The following GRIK2 variants were observed in gnomAD, a reference collection of about 807,000 sequenced individuals.
GRIK2 encodes the protein glutamate ionotropic receptor kainate type subunit 2.
Under a neutral mutation model 100.3 loss-of-function variants are expected in GRIK2, and 32 were observed. The ratio of observed to expected loss-of-function variants is 0.32; its 90% CI spans 0.24 to 0.43. The LOEUF (loss-of-function observed/expected upper bound fraction) is 0.43. GRIK2 is among the 20% of genes least tolerant of loss of function. GRIK2 has a pLI of 1.00. For synonymous variants in GRIK2, 417 were observed against 389.4 expected, an observed-to-expected ratio of 1.07 and a Z score of -0.83; for missense variants, 843 against 1,114.9, an observed-to-expected ratio of 0.76 and a Z score of 3.47.
intron 10 of GRIK2, among the ~76,000 whole-genome samples, chr6:101,856,305 A>G (rs965726661): frequency 6.6e-6 from 1 of 152,196 alleles, no homozygotes; most frequent in African/African-American, 2.4e-5. Context: ...AAAGCAGAGA[A>G]AACTGAAAAC....
intron 2 of GRIK2, among the ~76,000 whole-genome samples, chr6:101,539,653 G>C (rs1775890497): frequency 6.6e-6 from 1 of 151,436 alleles, no homozygotes; most frequent in South Asian, 2.1e-4. Context: ...TATTTTCTTT[G>C]CTAACATGAC....
Position 102,030,401 on chromosome 6 carries a change from TTTTTA to T in GRIK2, c.2086-4930_2086-4926del, listed in dbSNP as rs1390344315. 7.3e-5 allele frequency among the ~76,000 whole-genome samples: 11 copies of T among 151,280 alleles called. No homozygotes were observed. In the South Asian group the frequency reaches 1.5e-3, roughly 20 times the overall value. On this transcript the variant is annotated intron_variant, in intron 14 of 16. Transcript: ENST00000369134. ...GATCTGCTCATCTTCAGGGTTGTAC[TTTTTA>T]TTTTATTTTTTTTTTCTTTTTGGCA...
At chr6:101,600,566 T>C (rs972529416) in intron 2 of GRIK2, among the ~76,000 whole-genome samples, 11 of 151,954 alleles carry the variant, frequency 7.2e-5, no homozygotes, top group African/African-American at 2.7e-4. Context: ...TTGTGTCACC[T>C]GTGGTTTCTT....
At chr6:101,953,822 C>T (rs1422240420) in intron 14 of GRIK2, among the ~76,000 whole-genome samples, 3 of 152,028 alleles carry the variant, frequency 2.0e-5, no homozygotes, top group African/African-American at 7.2e-5. Context: ...TCAAAGGAGA[C>T]TTTTCCCAAC....
At chr6:101,770,537 A>T (rs1029569858) in intron 7 of GRIK2, among the ~76,000 whole-genome samples, 7 of 152,218 alleles carry the variant, frequency 4.6e-5, no homozygotes, top group African/African-American at 1.4e-4. Flanking sequence ...GGTTTCATCA[A>T]GTATAAAACT....
chr6:101,453,416 G>T (rs1196658151), intron 2 of GRIK2, among the ~76,000 whole-genome samples: 1 of 151,888 alleles, frequency 6.6e-6, no homozygotes. Flanking sequence ...GTTGCTGCCA[G>T]CATATCCTGA....
At chr6:101,944,730 A>G (rs372270256) in intron 14 of GRIK2, among the ~76,000 whole-genome samples, 4 of 152,260 alleles carry the variant, frequency 2.6e-5, no homozygotes, top group East Asian at 3.9e-4. Flanking sequence ...ATTCATTATA[A>G]TAGGAAATTA....
chr6:101,767,144 A>G (rs1778090301), intron 7 of GRIK2, among the ~76,000 whole-genome samples: 1 of 152,224 alleles, frequency 6.6e-6, no homozygotes, highest in Non-Finnish European at 1.5e-5. Context: ...GCTACTTTTA[A>G]TTGAAATTTT....
intron 2 of GRIK2, among the ~76,000 whole-genome samples, chr6:101,537,184 T>G (rs575299773): frequency 2.6e-5 from 4 of 151,954 alleles, no homozygotes; most frequent in South Asian, 2.1e-4. Context: ...TCCTTGTTAT[T>G]GGAAAATCAT....
chr6:102,035,284 G>A (rs1770211180), intron 14 of GRIK2, 57 bp from the exon 15 acceptor site: 11 of 895,046 alleles, frequency 1.2e-5, no homozygotes, highest in Middle Eastern at 4.6e-4. Flanking sequence ...CATTATAGGA[G>A]CACATGGAAA....
chr6:101,805,592 G>A (rs887752907), intron 9 of GRIK2, among the ~76,000 whole-genome samples: 1 of 151,888 alleles, frequency 6.6e-6, no homozygotes, highest in Non-Finnish European at 1.5e-5. Flanking sequence ...ACTTCATTTA[G>A]TAGGTTAATC....
chr6:101,738,056 A>T (rs565522375), intron 7 of GRIK2, among the ~76,000 whole-genome samples: 5 of 152,296 alleles, frequency 3.3e-5, no homozygotes, highest in Admixed American at 2.0e-4. Flanking sequence ...AGAGAAACAG[A>T]CAAAACTCTT....
chr6:102,055,625 G>C (rs764704668), intron 16 of GRIK2, 45 bp downstream of exon 16: 1 of 1,453,936 alleles, frequency 6.9e-7, no homozygotes, highest in Non-Finnish European at 9.6e-7. Context: ...AATTTTTGTT[G>C]TTACAATAAA....
chr6:102,014,214 T>G (rs1350814262), intron 14 of GRIK2, among the ~76,000 whole-genome samples: 1 of 152,226 alleles, frequency 6.6e-6, no homozygotes, highest in Non-Finnish European at 1.5e-5. Context: ...CTTCTAGATT[T>G]TCACATGTGT....
At chr6:102,030,309 A>G (rs1479053617) in intron 14 of GRIK2, among the ~76,000 whole-genome samples, 1 of 151,314 alleles carries the variant, frequency 6.6e-6, no homozygotes, top group East Asian at 1.9e-4. Context: ...GCATTTAAAC[A>G]TGCTCAAATC....
chr6:101,805,856 T>C (rs943342684), intron 9 of GRIK2, among the ~76,000 whole-genome samples: 3 of 152,026 alleles, frequency 2.0e-5, no homozygotes, highest in African/African-American at 7.2e-5. Flanking sequence ...TGTTTACAAC[T>C]GTGGAGCAGA....
chr6:101,831,952 G>A (rs538821539), intron 10 of GRIK2, among the ~76,000 whole-genome samples: 21 of 152,110 alleles, frequency 1.4e-4, no homozygotes, highest in Non-Finnish European at 2.6e-4. Flanking sequence ...GTTTAGATTA[G>A]TGGTGGTATT....
intron 7 of GRIK2, among the ~76,000 whole-genome samples, chr6:101,705,094 C>T (rs1387337334): frequency 2.0e-5 from 3 of 147,790 alleles, no homozygotes; most frequent in African/African-American, 2.5e-5. Context: ...AGAATTTTAT[C>T]TCCTTCTGAG....
chr6:102,001,812 C>T (rs779845004), intron 14 of GRIK2, among the ~76,000 whole-genome samples: 1 of 151,682 alleles, frequency 6.6e-6, no homozygotes, highest in Non-Finnish European at 1.5e-5. Flanking sequence ...TTAAATTTCT[C>T]TTTTGATTTT....
Sources: gnomAD v4.1 joint callset for allele counts (sites outside exome capture counted in the v4.1 genomes callset) on GRCh38, gnomAD v4.1.1 for gene constraint, MANE v1.5 for transcripts, NCBI Gene and HGNC (gene_info 2026-07-23, HGNC 2026-07-21) for gene names.